Variants in MCTP1 observed in about 807,000 individuals in gnomAD.
The protein encoded by MCTP1 is multiple C2 and transmembrane domain-containing protein 1.
MCTP1 carries 69 observed loss-of-function variants against 120.6 expected under a neutral mutation model. The observed-to-expected ratio is 0.57, with a 90% CI of 0.47 to 0.70. The LOEUF (loss-of-function observed/expected upper bound fraction) is 0.70, where lower values mean the gene tolerates loss of function less well. MCTP1 is among the 30% of genes least tolerant of loss of function. The probability of loss-of-function intolerance (pLI) is 0.00; values close to 1 mark genes in which losing one functional copy is unlikely to be tolerated. For synonymous variants in MCTP1, 529 were observed against 493.1 expected (o/e 1.07, Z -0.96); for missense variants, 1,203 against 1,248.8 (o/e 0.96, Z 0.55).
At chr5:95,226,800 A>C (rs975551020) in intron 1 of MCTP1, among the ~76,000 whole-genome samples, 2 of 152,166 alleles carry the variant, frequency 1.3e-5, no homozygotes, top group Non-Finnish European at 2.9e-5. Flanking sequence ...CTATGTTGAT[A>C]TCAAGATAGA....
intron 1 of MCTP1, among the ~76,000 whole-genome samples, chr5:95,090,332 GT>G (rs1755748921): frequency 6.6e-6 from 1 of 152,028 alleles, no homozygotes. Context: ...AAAAAAATTG[GT>G]GCTAATTCTG....
At chr5:95,096,421 A>T (rs1294171594) in intron 1 of MCTP1, among the ~76,000 whole-genome samples, 2 of 152,142 alleles carry the variant, frequency 1.3e-5, no homozygotes. Flanking sequence ...GTTGGTAAGG[A>T]CAGAGAGACT....
intron 1 of MCTP1, among the ~76,000 whole-genome samples, chr5:95,244,312 T>C (rs763425643): frequency 6.6e-5 from 10 of 152,166 alleles, no homozygotes; most frequent in African/African-American, 2.4e-4. Flanking sequence ...ACCTGGTTCA[T>C]CTCATTGGGA....
In MCTP1 at chr5:94,755,190, G is replaced by A; in HGVS notation, c.2610+23920C>T. 1.3e-5 allele frequency among the ~76,000 whole-genome samples: 2 copies of A among 152,132 alleles called. 1 individual carries two copies. The highest frequency in any genetic ancestry group is 4.8e-5 in the African/African-American group (2 of 41,418). On this transcript the variant is annotated intron_variant, in intron 19 of 22. Coordinates refer to ENST00000515393, the MANE Select transcript of MCTP1 (RefSeq NM_024717.7). ...TCCTGAGAGAGCTGAGGCCATGTGT[G>A]CTTCTTCAACACCTGTGCTCCTCAC...
chr5:94,729,541 CCA>C (rs1248362518), intron 19 of MCTP1, among the ~76,000 whole-genome samples: 2 of 152,136 alleles, frequency 1.3e-5, no homozygotes, highest in Admixed American at 6.5e-5. Context: ...CAGTCTCCTT[CCA>C]GTATCTCCCA....
intron 22 of MCTP1, 58 bp from the exon 23 acceptor site, chr5:94,707,625 G>A: frequency 7.7e-7 from 1 of 1,303,694 alleles, no homozygotes; most frequent in Non-Finnish European, 1.1e-6. Context: ...GGCAAAGAAA[G>A]GAACAGCAAA....
intron 1 of MCTP1, among the ~76,000 whole-genome samples, chr5:95,101,591 G>A (rs958584692): frequency 1.3e-5 from 2 of 152,216 alleles, no homozygotes; most frequent in African/African-American, 4.8e-5. Flanking sequence ...GGGCCTGGCT[G>A]TGTGTGGCAG....
chr5:94,901,010 T>C (rs1805384050), intron 10 of MCTP1, among the ~76,000 whole-genome samples: 1 of 152,234 alleles, frequency 6.6e-6, no homozygotes, highest in South Asian at 2.1e-4. Context: ...CATCAATTAA[T>C]GAATCAACAG....
intron 1 of MCTP1, among the ~76,000 whole-genome samples, chr5:95,269,423 T>C (rs1759179954): frequency 1.3e-5 from 2 of 152,232 alleles, no homozygotes; most frequent in Admixed American, 1.3e-4. Flanking sequence ...TCATGATACA[T>C]GTATAGAACT....
At chr5:94,812,427 G>C (rs1174003512) in intron 17 of MCTP1, among the ~76,000 whole-genome samples, 2 of 148,404 alleles carry the variant, frequency 1.3e-5, no homozygotes, top group Non-Finnish European at 3.0e-5. Flanking sequence ...CCAAAAGGTG[G>C]TGCTGTTTGT....
At chr5:95,122,447 A>G (rs978869868) in intron 1 of MCTP1, among the ~76,000 whole-genome samples, 2 of 152,198 alleles carry the variant, frequency 1.3e-5, no homozygotes, top group African/African-American at 2.4e-5. Context: ...AACAACAATG[A>G]GATATCATCT....
intron 1 of MCTP1, among the ~76,000 whole-genome samples, chr5:95,186,530 T>A (rs894759908): frequency 3.9e-5 from 6 of 152,144 alleles, no homozygotes; most frequent in Non-Finnish European, 8.8e-5. Context: ...TAGAAATAAA[T>A]GGAGAGATAT....
At position 94,704,252 on chromosome 5, in the gene MCTP1, TTAAG is replaced by T. The variant is rs1445495631; in HGVS notation, c.*3240_*3243del. On this transcript the variant is annotated 3_prime_UTR_variant, in exon 23 of 23. Transcript: ENST00000515393. ...CGCTATTCATTTAAAGCCCAAGAAT[TTAAG>T]CAAGTATTAATTTAGCAATACCTGA... 1.3e-5 allele frequency: 2 copies of T among 151,516 alleles called. No homozygotes were observed. Among genetic ancestry groups the T allele is most frequent in the Non-Finnish European group, 3.0e-5 (2 of 67,658 alleles). The allele number at this position is 151,516 out of a possible 1,614,324, so 9.4% of individuals were successfully genotyped here. A position where few individuals can be genotyped will look rare whatever the true frequency, so the allele number is the denominator to read the frequency against.
chr5:95,167,148 C>G (rs1013541038), intron 1 of MCTP1, among the ~76,000 whole-genome samples: 8 of 152,016 alleles, frequency 5.3e-5, no homozygotes, highest in African/African-American at 1.7e-4. Context: ...CACCTATGAG[C>G]GAGAACATGC....
intron 11 of MCTP1, among the ~76,000 whole-genome samples, chr5:94,893,810 G>C (rs1218242483): frequency 1.3e-5 from 2 of 152,170 alleles, no homozygotes; most frequent in African/African-American, 4.8e-5. Flanking sequence ...ATGGCTGAGT[G>C]TCTAGAGGAG....
intron 3 of MCTP1, among the ~76,000 whole-genome samples, chr5:94,947,571 T>TAAAA: frequency 2.0e-5 from 1 of 50,160 alleles, no homozygotes; most frequent in East Asian, 5.5e-4. Context: ...TATATATATA[T>TAAAA]ATATATAGAG....
At chr5:94,931,927 C>A in intron 6 of MCTP1, 26 bp downstream of exon 6, 1 of 1,577,628 alleles carries the variant, frequency 6.3e-7, no homozygotes, top group South Asian at 1.1e-5. Flanking sequence ...ACAAGAAAAG[C>A]TGAAAGATCA....
chr5:94,742,878 A>G (rs1580421179), intron 19 of MCTP1, among the ~76,000 whole-genome samples: 1 of 152,122 alleles, frequency 6.6e-6, no homozygotes, highest in African/African-American at 2.4e-5. Flanking sequence ...TTGAAAACCT[A>G]TTATCTGCTA....
chr5:95,261,253 G>T (rs2152718132), intron 1 of MCTP1, among the ~76,000 whole-genome samples: 1 of 152,190 alleles, frequency 6.6e-6, no homozygotes, highest in Non-Finnish European at 1.5e-5. Context: ...ACACCAAATG[G>T]TCTTCACAGC....
Sources: gnomAD v4.1 joint callset for allele counts (sites outside exome capture counted in the v4.1 genomes callset) on GRCh38, gnomAD v4.1.1 for gene constraint, MANE v1.5 for transcripts, NCBI Gene and HGNC (gene_info 2026-07-23, HGNC 2026-07-21) for gene names.